Variants in ACVR1 observed in about 807,000 individuals in gnomAD.
ACVR1 encodes the protein activin A receptor type 1.
ACVR1 carries 38 observed loss-of-function variants against 57.1 expected under a neutral mutation model. The ratio of observed to expected loss-of-function variants is 0.67; its 90% CI spans 0.51 to 0.87. The LOEUF is 0.87. ACVR1 is among the 40% of genes least tolerant of loss of function. The pLI is 0.00. For missense variants in ACVR1, 463 were observed against 638.2 expected (o/e 0.73, Z 2.96); for synonymous variants, 212 against 228.1 (o/e 0.93, Z 0.63).
chr2:157,747,245 G>C (rs1261776181), intron 9 of ACVR1, among the ~76,000 whole-genome samples: 1 of 152,090 alleles, frequency 6.6e-6, no homozygotes, highest in Non-Finnish European at 1.5e-5. Context: ...AGGGTATGGG[G>C]GATATTGTAA....
At chr2:157,814,458 T>A (rs549625871) in intron 2 of ACVR1, among the ~76,000 whole-genome samples, 1 of 152,158 alleles carries the variant, frequency 6.6e-6, no homozygotes, top group African/African-American at 2.4e-5. Context: ...GGCAAATAAA[T>A]AAAATAATCA....
chr2:157,737,356 G>C lies in ACVR1; in HGVS notation c.*175C>G, dbSNP rs753344437. 6.6e-6 allele frequency: 5 copies of C among 755,870 alleles called. No individual in the cohort carries two copies. The highest frequency in any genetic ancestry group is 2.1e-5 in the Admixed American group (1 of 48,674). 46.8% of individuals were successfully genotyped at this position (755,870 alleles called of 1,614,324 possible). ...AGTTCACAGTCATCGAGCGAGGTTA[G>C]GGTGGTTTTGATGTCTCCCCAACAC... is the stretch of plus-strand genomic sequence containing the variant. On this transcript the variant is annotated 3_prime_UTR_variant, in exon 11 of 11. Coordinates refer to ENST00000434821, the MANE Select transcript of ACVR1 (RefSeq NM_001111067.4).
chr2:157,866,140 A>T (rs1235606378), intron 1 of ACVR1, among the ~76,000 whole-genome samples: 1 of 152,248 alleles, frequency 6.6e-6, no homozygotes, highest in Non-Finnish European at 1.5e-5. Context: ...AATGAAATAA[A>T]GCTATCTAGG....
chr2:157,874,631 G>A (rs892941199), intron 1 of ACVR1, among the ~76,000 whole-genome samples: 2 of 152,206 alleles, frequency 1.3e-5, no homozygotes, highest in Non-Finnish European at 2.9e-5. Context: ...TGGGGAAAAG[G>A]GAGGTGGTGT....
chr2:157,776,080 T>C (rs183831989), intron 5 of ACVR1, among the ~76,000 whole-genome samples: 1 of 152,340 alleles, frequency 6.6e-6, no homozygotes, highest in East Asian at 1.9e-4. Flanking sequence ...TGTTGAAACA[T>C]ACAAATGAGC....
chr2:157,807,636 T>C (rs1182625673), intron 2 of ACVR1, among the ~76,000 whole-genome samples: 1 of 151,946 alleles, frequency 6.6e-6, no homozygotes, highest in Non-Finnish European at 1.5e-5. Context: ...GATATGTAAT[T>C]CTGAAGTTCA....
chr2:157,757,562 A>T (rs1685483960), intron 9 of ACVR1, among the ~76,000 whole-genome samples: 1 of 151,988 alleles, frequency 6.6e-6, no homozygotes, highest in African/African-American at 2.4e-5. Flanking sequence ...TCTCAGTGGT[A>T]ATCTCACGGG....
chr2:157,786,354 G>A (rs776749312), intron 3 of ACVR1, among the ~76,000 whole-genome samples: 1 of 152,164 alleles, frequency 6.6e-6, no homozygotes, highest in African/African-American at 2.4e-5. Flanking sequence ...CAAGCCTGAC[G>A]AATATTTGCT....
rs748791232 is a variant in ACVR1, at chr2:157,778,219, C to A, written c.455G>T (p.Arg152Leu). 6.2e-7 allele frequency: 1 copy of A among 1,613,886 alleles called. No individual in the cohort carries two copies. The change falls in exon 5 of 11, where the codon CGC (arginine) becomes CTC (leucine). Residue 152 changes from arginine (R) to leucine (L), a missense_variant. Coordinates refer to ENST00000434821, the MANE Select transcript of ACVR1 (RefSeq NM_001111067.4). Reference sequence around the variant, plus strand: ...TCGGGGATTGAGGCGTTCTTGGTTGCGCCTTTTAAATTTTCGGAGAGCAAC... The same window carrying A: ...TCGGGGATTGAGGCGTTCTTGGTTGAGCCTTTTAAATTTTCGGAGAGCAAC... The part of the protein sequence containing the change: ...LGVALRKFKR[R>L]NQERLNPRDV...
chr2:157,852,334 T>C (rs138503291), intron 1 of ACVR1, among the ~76,000 whole-genome samples: 1 of 151,458 alleles, frequency 6.6e-6, no homozygotes, highest in East Asian at 1.9e-4. Context: ...CCCATCTCTA[T>C]AAAAAATACA....
chr2:157,752,727 T>G (rs1184760431), intron 9 of ACVR1, among the ~76,000 whole-genome samples: 1 of 152,174 alleles, frequency 6.6e-6, no homozygotes, highest in Non-Finnish European at 1.5e-5. Context: ...ATTCGGTCTT[T>G]TTCAGATAAA....
intron 8 of ACVR1, among the ~76,000 whole-genome samples, chr2:157,764,844 G>T (rs16842018): frequency 0.11 from 16,088 of 151,874 alleles, 2,381 homozygotes; most frequent in African/African-American, 0.34. Context: ...AAAATCTTTC[G>T]TCTCCTACTT....
intron 9 of ACVR1, among the ~76,000 whole-genome samples, chr2:157,749,480 A>C (rs1685097327): frequency 1.3e-5 from 2 of 152,178 alleles, no homozygotes; most frequent in Non-Finnish European, 1.5e-5. Flanking sequence ...GAGTGCAAAA[A>C]CTGAGACTTT....
At chr2:157,771,561 T>C (rs1257745358) in intron 6 of ACVR1, among the ~76,000 whole-genome samples, 1 of 152,168 alleles carries the variant, frequency 6.6e-6, no homozygotes. Flanking sequence ...CCCAGGCAAG[T>C]GACTGCTGGA....
At chr2:157,753,943 A>C (rs1382248655) in intron 9 of ACVR1, among the ~76,000 whole-genome samples, 1 of 152,226 alleles carries the variant, frequency 6.6e-6, no homozygotes, top group Non-Finnish European at 1.5e-5. Flanking sequence ...ATTGGAAATC[A>C]ACTCCAAAAG....
intron 1 of ACVR1, among the ~76,000 whole-genome samples, chr2:157,868,195 T>C (rs948139786): frequency 6.6e-6 from 1 of 152,038 alleles, no homozygotes; most frequent in African/African-American, 2.4e-5. Context: ...ATTAAAAATA[T>C]GTGCAACTGC....
chr2:157,806,045 C>T (rs1323906370), intron 2 of ACVR1, among the ~76,000 whole-genome samples: 1 of 151,818 alleles, frequency 6.6e-6, no homozygotes, highest in Non-Finnish European at 1.5e-5. Flanking sequence ...TCAGTCTGGT[C>T]TCGAACTCCT....
In ACVR1 at chr2:157,736,630, A is replaced by G. The variant is rs1684542066; in HGVS notation, c.*901T>C. 1 of 313,552 alleles carries G rather than the reference A, an allele frequency of 3.2e-6. No individual in the cohort carries two copies. The highest frequency in any genetic ancestry group is 2.1e-5 in the African/African-American group (1 of 47,082). 19.4% of individuals were successfully genotyped at this position (313,552 alleles called of 1,614,324 possible). ...CTACTGAAATCTTTGCTTCTAAATC[A>G]GTAATATATTCGGTGGTGTCACGTG... On this transcript the variant is annotated 3_prime_UTR_variant, in exon 11 of 11. Transcript: ENST00000434821.
intron 9 of ACVR1, among the ~76,000 whole-genome samples, chr2:157,748,223 T>TA (rs767827030): frequency 1.7e-4 from 26 of 152,256 alleles, no homozygotes; most frequent in Non-Finnish European, 2.8e-4. Context: ...CACGAGTTCT[T>TA]ACAAAGCCTG....
Sources: allele counts gnomAD v4.1 joint callset (sites outside exome capture counted in the v4.1 genomes callset), GRCh38; gene constraint gnomAD v4.1.1; transcripts MANE v1.5; gene names NCBI Gene and HGNC (gene_info 2026-07-23, HGNC 2026-07-21).